Variants in TMEM178B observed in about 807,000 individuals in gnomAD.
TMEM178B encodes the protein transmembrane protein 178B.
In TMEM178B, 5 loss-of-function variants were observed where a neutral mutation model predicts 31.0. That is an observed-to-expected ratio of 0.16 (90% CI 0.08 to 0.34). The LOEUF (loss-of-function observed/expected upper bound fraction) is 0.34. TMEM178B is among the 10% of genes least tolerant of loss of function. TMEM178B has a pLI of 1.00. For missense variants in TMEM178B, 275 were observed against 400.3 expected (o/e 0.69, Z 2.67); for synonymous variants, 164 against 164.0 (o/e 1.00, Z 0.00).
intron 1 of TMEM178B, among the ~76,000 whole-genome samples, chr7:141,135,163 T>C (rs189781086): frequency 6.6e-6 from 1 of 152,306 alleles, no homozygotes; most frequent in East Asian, 1.9e-4. Context: ...AAGGTATCAA[T>C]TCAGCAAGAA....
At chr7:141,338,821 ATC>A (rs1799468918) in intron 2 of TMEM178B, among the ~76,000 whole-genome samples, 1 of 152,208 alleles carries the variant, frequency 6.6e-6, no homozygotes, top group South Asian at 2.1e-4. Context: ...CAATGATGAC[ATC>A]TCTGCATAAA....
At chr7:141,485,691 C>G in the TMEM178B span, among the ~76,000 whole-genome samples, 17,833 of 152,232 alleles carry the variant, frequency 0.12, 3,096 homozygotes, top group African/African-American at 0.38. Context: ...GCACTTTGAA[C>G]TCGATGATGG....
At chr7:141,137,246 A>G (rs992173731) in intron 1 of TMEM178B, among the ~76,000 whole-genome samples, 2 of 152,216 alleles carry the variant, frequency 1.3e-5, no homozygotes, top group African/African-American at 4.8e-5. Context: ...AGTATATCAA[A>G]GGGATACCTG....
At chr7:141,276,938 G>A (rs1438457698) in intron 2 of TMEM178B, among the ~76,000 whole-genome samples, 1 of 152,154 alleles carries the variant, frequency 6.6e-6, no homozygotes, top group African/African-American at 2.4e-5. Context: ...TAAAAACATG[G>A]TGTAAAAGAT....
chr7:141,271,826 G>A (rs1357213349), intron 2 of TMEM178B, among the ~76,000 whole-genome samples: 2 of 152,146 alleles, frequency 1.3e-5, no homozygotes, highest in African/African-American at 4.8e-5. Context: ...TGTGAGGCAG[G>A]TTCCTCTAGT....
chr7:141,443,907 C>T (rs1801706564), intron 3 of TMEM178B, among the ~76,000 whole-genome samples: 2 of 152,170 alleles, frequency 1.3e-5, no homozygotes, highest in South Asian at 4.1e-4. Flanking sequence ...TCCAATACTA[C>T]CTTCTTTTGT....
chr7:141,422,122 AT>A lies in TMEM178B; in HGVS notation c.497-15484del, dbSNP rs1379248883. ...TCTGTTCAGCTTCTTTATTTTTACGATTCTACCTGCTCCCTGTTAACCCTAT... is the reference window on the plus strand; with the variant it reads ...TCTGTTCAGCTTCTTTATTTTTACGATCTACCTGCTCCCTGTTAACCCTAT... On this transcript the variant is annotated intron_variant, in intron 2 of 3. Coordinates refer to ENST00000565468, the MANE Select transcript of TMEM178B (RefSeq NM_001195278.2). The surrounding 1 kb of genome is among the most constrained non-coding windows in gnomAD (Gnocchi z 4.2). 1.3e-5 allele frequency among the ~76,000 whole-genome samples: 2 copies of A among 152,102 alleles called. No individual in the cohort carries two copies. Among genetic ancestry groups the A allele is most frequent in the Non-Finnish European group, 2.9e-5 (2 of 68,036 alleles).
intron 2 of TMEM178B, among the ~76,000 whole-genome samples, chr7:141,293,693 A>C (rs1798584917): frequency 6.6e-6 from 1 of 152,218 alleles, no homozygotes; most frequent in Non-Finnish European, 1.5e-5. Context: ...GATGAACAAC[A>C]GAGGTTCTCT....
chr7:141,210,644 C>T (rs1014694846), intron 1 of TMEM178B, among the ~76,000 whole-genome samples: 1 of 152,122 alleles, frequency 6.6e-6, no homozygotes, highest in Non-Finnish European at 1.5e-5. Context: ...TCCTTCAGTG[C>T]CCTAGGAGCC....
rs1322420736 is a variant in TMEM178B, at chr7:141,475,732, G to A, written c.*4946G>A. On this transcript the variant is annotated 3_prime_UTR_variant, in exon 4 of 4. Coordinates refer to ENST00000565468, the MANE Select transcript of TMEM178B (RefSeq NM_001195278.2). ...GACCTTAGGGGCAGGATGGAGCAGG[G>A]CTAAAAGATGTCTCTTTGGGCCTGT... 1 of 152,036 alleles carries A rather than the reference G, an allele frequency of 6.6e-6. No homozygotes were observed. Among genetic ancestry groups the A allele is most frequent in the East Asian group, 1.9e-4 (1 of 5,184 alleles). The allele number at this position is 152,036 out of a possible 1,614,324, so 9.4% of individuals were successfully genotyped here.
chr7:141,334,922 C>T (rs78470543), intron 2 of TMEM178B, among the ~76,000 whole-genome samples: 1,903 of 152,304 alleles, frequency 0.012, 21 homozygotes, highest in Non-Finnish European at 0.018. Context: ...ATTTGGAAAA[C>T]GGTTCTCAAT....
intron 2 of TMEM178B, among the ~76,000 whole-genome samples, chr7:141,379,797 C>T (rs189664014): frequency 6.6e-6 from 1 of 152,292 alleles, no homozygotes; most frequent in Admixed American, 6.5e-5. Context: ...TTCTCCCTTT[C>T]TTCCTTTCTT....
chr7:141,154,540 A>G (rs1005615272), intron 1 of TMEM178B, among the ~76,000 whole-genome samples: 2 of 152,152 alleles, frequency 1.3e-5, no homozygotes, highest in Admixed American at 1.3e-4. Context: ...CTTTGTCAGA[A>G]TCTTGCTTTT....
chr7:141,169,247 C>T (rs953980044), intron 1 of TMEM178B, among the ~76,000 whole-genome samples: 1 of 152,150 alleles, frequency 6.6e-6, no homozygotes, highest in African/African-American at 2.4e-5. Flanking sequence ...TCTATGTGTC[C>T]ATGTATTCTC....
chr7:141,160,144 T>C (rs969483644), intron 1 of TMEM178B, among the ~76,000 whole-genome samples: 12 of 151,852 alleles, frequency 7.9e-5, no homozygotes, highest in Non-Finnish European at 1.5e-4. Context: ...GAAATTTTGC[T>C]GCACCCATCA....
chr7:141,316,332 C>T (rs1799004830), intron 2 of TMEM178B, among the ~76,000 whole-genome samples: 1 of 152,160 alleles, frequency 6.6e-6, no homozygotes, highest in Non-Finnish European at 1.5e-5. Flanking sequence ...GTTATAAAAG[C>T]AGCATTCCGT....
At chr7:141,360,185 A>G (rs1247379598) in intron 2 of TMEM178B, among the ~76,000 whole-genome samples, 2 of 152,208 alleles carry the variant, frequency 1.3e-5, no homozygotes, top group Non-Finnish European at 2.9e-5. Context: ...CATAGAAGCC[A>G]CATGACCATG....
At chr7:141,128,023 G>A (rs1254861609) in intron 1 of TMEM178B, among the ~76,000 whole-genome samples, 14 of 152,162 alleles carry the variant, frequency 9.2e-5, no homozygotes, top group Non-Finnish European at 1.9e-4. Flanking sequence ...GTGAATTCCA[G>A]TTCGCTGGCT....
the TMEM178B span, among the ~76,000 whole-genome samples, chr7:141,496,923 G>A: frequency 1.3e-5 from 2 of 152,092 alleles, no homozygotes; most frequent in Non-Finnish European, 2.9e-5. Context: ...AGGTGGTAGT[G>A]GTTCAGACTC....
Sources: gnomAD v4.1 joint callset for allele counts (sites outside exome capture counted in the v4.1 genomes callset) on GRCh38, gnomAD v4.1.1 for gene constraint, Gnocchi (gnomAD v3.1) non-coding constraint, MANE v1.5 for transcripts, NCBI Gene and HGNC (gene_info 2026-07-23, HGNC 2026-07-21) for gene names.